The following PEX5L variants were observed in gnomAD, a reference collection of about 807,000 sequenced individuals.
The protein encoded by PEX5L is PEX5-related protein.
Under a neutral mutation model 84.0 loss-of-function variants are expected in PEX5L, and 30 were observed. The ratio of observed to expected loss-of-function variants is 0.36; its 90% CI spans 0.27 to 0.48. The LOEUF (loss-of-function observed/expected upper bound fraction) is 0.48, where lower values mean the gene tolerates loss of function less well. Among genes scored for constraint, PEX5L ranks in the 20% least tolerant of loss-of-function variants. The pLI, the probability that PEX5L is intolerant of heterozygous loss-of-function variation, is 0.99. For synonymous variants in PEX5L, 270 were observed against 283.1 expected (o/e 0.95, Z 0.46); for missense variants, 533 against 754.6 (o/e 0.71, Z 3.44).
intron 8 of PEX5L, among the ~76,000 whole-genome samples, chr3:179,834,012 T>C (rs577606878): frequency 2.2e-4 from 34 of 152,252 alleles, no homozygotes; most frequent in Non-Finnish European, 4.3e-4. Flanking sequence ...ATTTTATTTT[T>C]ATTTTTTTGT....
chr3:179,971,303 A>G (rs769032450), intron 2 of PEX5L, among the ~76,000 whole-genome samples: 12 of 151,968 alleles, frequency 7.9e-5, no homozygotes, highest in Non-Finnish European at 1.5e-4. Context: ...CCAGATTATC[A>G]TTGGTGTTTT....
intron 2 of PEX5L, among the ~76,000 whole-genome samples, chr3:179,962,911 T>G (rs1782427989): frequency 6.6e-6 from 1 of 152,188 alleles, no homozygotes; most frequent in Non-Finnish European, 1.5e-5. Context: ...TTCTCCCTAT[T>G]AGATTAAAAA....
At chr3:180,021,816 G>C (rs9820069) in intron 1 of PEX5L, among the ~76,000 whole-genome samples, 3,838 of 152,248 alleles carry the variant, frequency 0.025, 192 homozygotes, top group African/African-American at 0.088. Context: ...CAAATATTGA[G>C]GATGAGCATA....
Position 179,815,858 on chromosome 3 carries a change from C to T in PEX5L, c.1083+3G>A, listed in dbSNP as rs760265942. 40 of 1,613,842 alleles carry T rather than the reference C, an allele frequency of 2.5e-5. No homozygotes were observed. The highest frequency in any genetic ancestry group is 3.4e-5 in the Non-Finnish European group (40 of 1,179,920). Reference sequence around the variant, plus strand: ...GTCTGGCAGAATGAAGGGAGAATGACACCTCTGCATCTCCAGGGTCCTGAA... The same window carrying T: ...GTCTGGCAGAATGAAGGGAGAATGATACCTCTGCATCTCCAGGGTCCTGAA... On this transcript the variant is annotated splice_donor_region_variant and intron_variant, in intron 10 of 14. Transcript: ENST00000467460.
intron 2 of PEX5L, among the ~76,000 whole-genome samples, chr3:179,934,957 T>C (rs1173934388): frequency 6.6e-6 from 1 of 151,840 alleles, no homozygotes; most frequent in African/African-American, 2.4e-5. Flanking sequence ...GCATTTTGGA[T>C]AGAAAAGGAC....
At chr3:179,982,230 G>C (rs1353723655) in intron 1 of PEX5L, among the ~76,000 whole-genome samples, 1 of 152,110 alleles carries the variant, frequency 6.6e-6, no homozygotes, top group Admixed American at 6.5e-5. Flanking sequence ...CTTACTCAAA[G>C]TTTGATTCTT....
intron 5 of PEX5L, among the ~76,000 whole-genome samples, chr3:179,876,296 C>A (rs1020927114): frequency 2.0e-5 from 3 of 151,848 alleles, no homozygotes; most frequent in Non-Finnish European, 4.4e-5. Context: ...CAGTTCGACA[C>A]CAGCCTGACC....
At chr3:179,891,470 G>T (rs1478485827) in intron 3 of PEX5L, among the ~76,000 whole-genome samples, 4 of 152,084 alleles carry the variant, frequency 2.6e-5, no homozygotes, top group Non-Finnish European at 5.9e-5. Context: ...TGGTTTTGAT[G>T]GGAGATACGG....
intron 7 of PEX5L, among the ~76,000 whole-genome samples, chr3:179,864,150 G>A (rs1238402408): frequency 6.6e-5 from 10 of 151,992 alleles, no homozygotes; most frequent in Admixed American, 3.9e-4. Context: ...ACCCAGTCTC[G>A]GGTATGTTTT....
rs181873799 is a variant in PEX5L, at chr3:179,801,644, A to T, written c.*184T>A. 21 of 594,092 alleles carry T rather than the reference A, an allele frequency of 3.5e-5. No homozygotes were observed. The East Asian group carries it at 5.9e-4, about 17-fold the overall frequency. The allele number at this position is 594,092 out of a possible 1,614,324, so 36.8% of individuals were successfully genotyped here. On this transcript the variant is annotated 3_prime_UTR_variant, in exon 15 of 15. Coordinates refer to ENST00000467460, the MANE Select transcript of PEX5L (RefSeq NM_016559.3). ...GCCTGACTTTGACTCTATATACAACATTTTGTGCTTTTGGATCTGAACAGA... is the reference window on the plus strand; with the variant it reads ...GCCTGACTTTGACTCTATATACAACTTTTTGTGCTTTTGGATCTGAACAGA...
chr3:179,848,892 A>G (rs1740682641), intron 8 of PEX5L, among the ~76,000 whole-genome samples: 1 of 152,148 alleles, frequency 6.6e-6, no homozygotes, highest in South Asian at 2.1e-4. Context: ...CTTTTAGGAA[A>G]GTGGAACTGC....
intron 6 of PEX5L, among the ~76,000 whole-genome samples, chr3:179,874,738 GT>G (rs3836472): frequency 4.3e-5 from 2 of 45,992 alleles, no homozygotes; most frequent in East Asian, 9.3e-4. Flanking sequence ...TTTTTTTTTT[GT>G]TTTTTTTTTT....
intron 6 of PEX5L, among the ~76,000 whole-genome samples, chr3:179,875,065 C>T (rs113514274): frequency 3.3e-5 from 5 of 151,876 alleles, no homozygotes; most frequent in East Asian, 1.9e-4. Context: ...CATGTATATA[C>T]ACGTATACAC....
At chr3:179,814,908 C>T (rs1725444428) in intron 10 of PEX5L, among the ~76,000 whole-genome samples, 1 of 152,096 alleles carries the variant, frequency 6.6e-6, no homozygotes, top group African/African-American at 2.4e-5. Context: ...GCTTCATGCC[C>T]CTCTGCCTAC....
intron 1 of PEX5L, among the ~76,000 whole-genome samples, chr3:180,032,837 G>C (rs1005535777): frequency 6.6e-6 from 1 of 152,160 alleles, no homozygotes; most frequent in Non-Finnish European, 1.5e-5. Context: ...CTGGGGGACA[G>C]AGAAAGACCC....
intron 2 of PEX5L, among the ~76,000 whole-genome samples, chr3:179,943,254 C>T (rs1776647188): frequency 6.6e-6 from 1 of 152,168 alleles, no homozygotes; most frequent in African/African-American, 2.4e-5. Context: ...AACACTATGC[C>T]CTGTATGGCC....
At chr3:180,023,253 C>T (rs906831673) in intron 1 of PEX5L, among the ~76,000 whole-genome samples, 2 of 152,162 alleles carry the variant, frequency 1.3e-5, no homozygotes, top group Admixed American at 1.3e-4. Context: ...GCCAACCTCA[C>T]TGAGGCACTC....
At position 180,019,667 on chromosome 3, in the gene PEX5L, T is replaced by C. The variant is rs561272984; in HGVS notation, c.21+16912A>G. ...TGTCAATGAAAATATTTGTATTTCC[T>C]TGGGACTGAGGAAATCAGAGAGATA... On this transcript the variant is annotated intron_variant, in intron 1 of 14. Transcript: ENST00000467460. Among the ~76,000 whole-genome samples, 6 of 152,290 alleles carry C rather than the reference T, an allele frequency of 3.9e-5. No homozygotes were observed. The South Asian group carries it at 6.2e-4, about 16-fold the overall frequency.
chr3:179,916,411 TA>T (rs1767111804), intron 2 of PEX5L, among the ~76,000 whole-genome samples: 2 of 151,870 alleles, frequency 1.3e-5, no homozygotes, highest in Non-Finnish European at 2.9e-5. Context: ...AAATGTAGAG[TA>T]AAAATATAAT....
Sources: gnomAD v4.1 joint callset for allele counts (sites outside exome capture counted in the v4.1 genomes callset) on GRCh38, gnomAD v4.1.1 for gene constraint, MANE v1.5 for transcripts, NCBI Gene and HGNC (gene_info 2026-07-23, HGNC 2026-07-21) for gene names.